The following PICALM variants were observed in gnomAD, a reference collection of about 807,000 sequenced individuals.
The protein encoded by PICALM is phosphatidylinositol-binding clathrin assembly protein.
In PICALM, 40 loss-of-function variants were observed where a neutral mutation model predicts 80.5. The ratio of observed to expected loss-of-function variants is 0.50; its 90% confidence interval spans 0.39 to 0.65. The LOEUF (loss-of-function observed/expected upper bound fraction) is 0.65. Among genes scored for constraint, PICALM ranks in the 30% least tolerant of loss-of-function variants. The pLI is 0.00. For synonymous variants in PICALM, 288 were observed against 260.3 expected (o/e 1.11, Z -1.02); for missense variants, 676 against 778.9 (o/e 0.87, Z 1.57).
intron 14 of PICALM, among the ~76,000 whole-genome samples, chr11:85,982,423 C>CTTTATTTTTTTTT (rs1555034093): frequency 1.4e-5 from 1 of 70,170 alleles, no homozygotes; most frequent in South Asian, 4.9e-4. Flanking sequence ...ATTTTATAGA[C>CTTTATTTTTTTTT]TTTTTTTTTT....
intron 19 of PICALM, among the ~76,000 whole-genome samples, chr11:85,972,502 T>TA (rs1366937269): frequency 1.3e-5 from 2 of 152,174 alleles, no homozygotes; most frequent in African/African-American, 4.8e-5. Context: ...CCATCTACCT[T>TA]AAAGAATCGG....
intron 1 of PICALM, among the ~76,000 whole-genome samples, chr11:86,052,523 G>T (rs2096206751): frequency 6.6e-6 from 1 of 152,114 alleles, no homozygotes; most frequent in Non-Finnish European, 1.5e-5. Context: ...TGATTCCTGT[G>T]CAATCTAGAG....
At chr11:86,043,158 T>G (rs2096005145) in intron 1 of PICALM, among the ~76,000 whole-genome samples, 1 of 152,202 alleles carries the variant, frequency 6.6e-6, no homozygotes, top group African/African-American at 2.4e-5. Flanking sequence ...AGTTTACATG[T>G]AGCTAAGAAA....
intron 1 of PICALM, among the ~76,000 whole-genome samples, chr11:86,038,424 A>G (rs542151308): frequency 9.8e-5 from 15 of 152,336 alleles, no homozygotes; most frequent in African/African-American, 3.6e-4. Flanking sequence ...TATTTTGAAC[A>G]CAAGTTCAAT....
At chr11:85,986,010 C>A (rs2094560505) in intron 13 of PICALM, among the ~76,000 whole-genome samples, 1 of 151,878 alleles carries the variant, frequency 6.6e-6, no homozygotes, top group Admixed American at 6.6e-5. Context: ...CTAGAGGTAC[C>A]AATCTGTGAA....
intron 17 of PICALM, among the ~76,000 whole-genome samples, chr11:85,979,281 G>C (rs1162140378): frequency 6.6e-6 from 1 of 152,092 alleles, no homozygotes; most frequent in Non-Finnish European, 1.5e-5. Context: ...CTTGAGGTCA[G>C]CAGTTCAAGA....
At chr11:86,029,000 G>C (rs1157859788) in intron 2 of PICALM, among the ~76,000 whole-genome samples, 2 of 151,880 alleles carry the variant, frequency 1.3e-5, no homozygotes, top group African/African-American at 4.8e-5. Flanking sequence ...ACCACGCTTG[G>C]CTAATTTTTG....
intron 4 of PICALM, among the ~76,000 whole-genome samples, chr11:86,019,625 A>C (rs941917795): frequency 1.3e-5 from 2 of 152,230 alleles, no homozygotes; most frequent in Non-Finnish European, 2.9e-5. Flanking sequence ...TCAGACTTCT[A>C]AAAAAGTTCT....
At chr11:85,966,567 GCT>G (rs2093907010) in intron 19 of PICALM, among the ~76,000 whole-genome samples, 1 of 152,188 alleles carries the variant, frequency 6.6e-6, no homozygotes, top group Non-Finnish European at 1.5e-5. Context: ...TAGAGAATTT[GCT>G]CTCAACACAT....
Position 85,981,995 on chromosome 11 carries a change from C to A in PICALM, c.1525G>T (p.Glu509Ter). The stretch of plus-strand genomic sequence containing the variant: ...GTTGGTTTGAGAAGTCCACCTAGTT[C>A]ATCAAAGCCTTAAAGTTACAAACAG... ...NVIVDSGGFD[E>*]LGGLLKPTVA... is the part of the protein sequence containing the mutation. Residue 509 changes from glutamate to a stop codon, truncating the protein, a stop_gained, in exon 15 of 20, where the codon GAA becomes TAA. Transcript: ENST00000393346. LOFTEE classifies it high-confidence loss of function. The A allele has an allele frequency of 1.2e-6, 2 of 1,613,384 alleles. No homozygotes were observed. The highest frequency in any genetic ancestry group is 2.2e-5 in the South Asian group (2 of 91,038).
intron 1 of PICALM, among the ~76,000 whole-genome samples, chr11:86,062,347 T>C (rs1257921321): frequency 6.6e-6 from 1 of 152,032 alleles, no homozygotes; most frequent in Non-Finnish European, 1.5e-5. Context: ...TGAAGCCCCA[T>C]CTCTATCAAA....
At chr11:86,038,385 TG>T (rs2079096977) in intron 1 of PICALM, among the ~76,000 whole-genome samples, 1 of 152,106 alleles carries the variant, frequency 6.6e-6, no homozygotes, top group Non-Finnish European at 1.5e-5. Context: ...CCTGAGAATT[TG>T]GCAGCCACTA....
Position 85,991,760 on chromosome 11 carries a change from A to G in PICALM, c.1259-1361T>C, listed in dbSNP as rs539146054. On this transcript the variant is annotated intron_variant, in intron 12 of 19. Coordinates refer to ENST00000393346, the MANE Select transcript of PICALM (RefSeq NM_007166.4). ...CATCATTCCACCCCCAATAAATGGA[A>G]CACTGGGAAAAAAGAATCAGAAAAC... Among the ~76,000 whole-genome samples, 6 of 152,344 alleles carry G rather than the reference A, an allele frequency of 3.9e-5. No individual in the cohort carries two copies. In the South Asian group the frequency reaches 1.0e-3, roughly 26 times the overall value.
chr11:85,983,777 C>G (rs1277660997), intron 14 of PICALM, 89 bp downstream of exon 14: 1 of 603,156 alleles, frequency 1.7e-6, no homozygotes. Context: ...TTTAATATAT[C>G]TAAACATTTT....
chr11:85,993,800 C>T (rs2094872894), intron 12 of PICALM, among the ~76,000 whole-genome samples: 1 of 152,046 alleles, frequency 6.6e-6, no homozygotes, highest in South Asian at 2.1e-4. Flanking sequence ...AAAGTTAAAA[C>T]AAGGATTAAA....
At chr11:86,045,996 T>A (rs11234529) in intron 1 of PICALM, among the ~76,000 whole-genome samples, 1 of 152,188 alleles carries the variant, frequency 6.6e-6, no homozygotes, top group African/African-American at 2.4e-5. Context: ...CATTGCTACA[T>A]TAGATACTCT....
chr11:86,007,061 C>T (rs1361426309), intron 8 of PICALM, among the ~76,000 whole-genome samples: 1 of 152,108 alleles, frequency 6.6e-6, no homozygotes, highest in African/African-American at 2.4e-5. Flanking sequence ...ACAGCCGGGA[C>T]TGAAATTTCG....
At chr11:85,978,840 A>G (rs1335141929) in intron 17 of PICALM, 2 of 152,188 alleles carry the variant, frequency 1.3e-5, no homozygotes, top group African/African-American at 2.4e-5. Context: ...GATTAATACT[A>G]ACTTAATATA....
At chr11:86,024,752 T>C (rs750064878) in intron 3 of PICALM, among the ~76,000 whole-genome samples, 1 of 152,210 alleles carries the variant, frequency 6.6e-6, no homozygotes, top group African/African-American at 2.4e-5. Flanking sequence ...TTCACATTCA[T>C]TTGCTCTGTA....
Sources: gnomAD v4.1 joint callset for allele counts (sites outside exome capture counted in the v4.1 genomes callset) on GRCh38, gnomAD v4.1.1 for gene constraint, MANE v1.5 for transcripts, NCBI Gene and HGNC (gene_info 2026-07-23, HGNC 2026-07-21) for gene names.